Variants in PHACTR1 observed in about 807,000 individuals in gnomAD.
The protein encoded by PHACTR1 is phosphatase and actin regulator 1, also known as RPEL repeat containing 1.
Under a neutral mutation model 69.2 loss-of-function variants are expected in PHACTR1, and 16 were observed. The ratio of observed to expected loss-of-function variants is 0.23; its 90% CI spans 0.16 to 0.35. PHACTR1 has a LOEUF of 0.35. PHACTR1 is among the 10% of genes least tolerant of loss of function. PHACTR1 has a pLI of 1.00. For synonymous variants in PHACTR1, 312 were observed against 284.5 expected (o/e 1.10, Z -0.97); for missense variants, 510 against 734.7 (o/e 0.69, Z 3.54).
At chr6:12,978,621 T>A (rs1038106574) in intron 4 of PHACTR1, among the ~76,000 whole-genome samples, 14 of 152,362 alleles carry the variant, frequency 9.2e-5, no homozygotes, top group Admixed American at 9.1e-4. Flanking sequence ...ACGTTGTTGC[T>A]CTGATGAGCT....
At chr6:12,736,453 C>T (rs1267685743) in intron 3 of PHACTR1, among the ~76,000 whole-genome samples, 1 of 152,066 alleles carries the variant, frequency 6.6e-6, no homozygotes, top group East Asian at 1.9e-4. Flanking sequence ...AGAATCAATA[C>T]AAAAATTCAA....
intron 4 of PHACTR1, among the ~76,000 whole-genome samples, chr6:12,888,188 A>C (rs1441152295): frequency 6.6e-6 from 1 of 151,814 alleles, no homozygotes; most frequent in Non-Finnish European, 1.5e-5. Flanking sequence ...GGAAGGAAGC[A>C]GCTGAGGCCA....
intron 7 of PHACTR1, among the ~76,000 whole-genome samples, chr6:13,193,677 C>A (rs1474029694): frequency 1.3e-5 from 2 of 152,062 alleles, no homozygotes; most frequent in African/African-American, 2.4e-5. Context: ...CGAGATCTGC[C>A]ACATCCAGCT....
At chr6:12,776,850 T>G (rs1431017313) in intron 4 of PHACTR1, among the ~76,000 whole-genome samples, 1 of 152,226 alleles carries the variant, frequency 6.6e-6, no homozygotes, top group Admixed American at 6.5e-5. Flanking sequence ...GGAAGAGTCT[T>G]AAATTCTTTA....
At chr6:13,110,394 A>G (rs1268162073) in intron 5 of PHACTR1, among the ~76,000 whole-genome samples, 1 of 152,198 alleles carries the variant, frequency 6.6e-6, no homozygotes, top group African/African-American at 2.4e-5. Flanking sequence ...ACAATGCTGC[A>G]GGTGTTCACT....
intron 4 of PHACTR1, among the ~76,000 whole-genome samples, chr6:12,882,953 T>C (rs973461752): frequency 1.3e-5 from 2 of 152,180 alleles, no homozygotes; most frequent in Non-Finnish European, 2.9e-5. Flanking sequence ...CTCCAGCACC[T>C]TCCTGCAAAG....
intron 4 of PHACTR1, among the ~76,000 whole-genome samples, chr6:12,936,095 A>T (rs536739675): frequency 6.6e-6 from 1 of 151,930 alleles, no homozygotes; most frequent in Non-Finnish European, 1.5e-5. Flanking sequence ...AGATATATAC[A>T]TATTTGCAAC....
intron 4 of PHACTR1, among the ~76,000 whole-genome samples, chr6:13,012,972 T>A (rs1300931970): frequency 6.6e-6 from 1 of 152,206 alleles, no homozygotes; most frequent in Non-Finnish European, 1.5e-5. Context: ...GCCCGGGAGT[T>A]CGAGGCTGCA....
In PHACTR1 at chr6:13,246,096, CG is replaced by C. The variant is rs150577579; in HGVS notation, c.1391+15905del. Among the ~76,000 whole-genome samples, 2,742 of 152,154 alleles carry C rather than the reference CG, an allele frequency of 0.018. 86 individuals are homozygous for C. Among genetic ancestry groups the C allele is most frequent in the African/African-American group, 0.062 (2,578 of 41,488 alleles). ...TTAAAATAAAGTCCTCTGACCCAGT[CG>C]GTGCTTAAAATTAATATCTCTCAAA... On this transcript the variant is annotated intron_variant, in intron 10 of 14. Coordinates refer to ENST00000332995, the MANE Select transcript of PHACTR1 (RefSeq NM_030948.6). This position sits in a 1 kb window ranked among gnomAD's most constrained non-coding sequence, Gnocchi z 4.2.
intron 4 of PHACTR1, among the ~76,000 whole-genome samples, chr6:12,766,014 A>G (rs953894088): frequency 1.3e-5 from 2 of 152,208 alleles, no homozygotes; most frequent in African/African-American, 4.8e-5. Context: ...GCCTGACCAT[A>G]GTGTGTTTCT....
At chr6:13,023,956 A>G (rs1801340132) in intron 4 of PHACTR1, among the ~76,000 whole-genome samples, 1 of 152,126 alleles carries the variant, frequency 6.6e-6, no homozygotes, top group Admixed American at 6.5e-5. Flanking sequence ...ACTTGCCTAT[A>G]ATTCCAGCTA....
intron 3 of PHACTR1, among the ~76,000 whole-genome samples, chr6:12,731,869 C>T (rs1763570669): frequency 6.6e-6 from 1 of 152,106 alleles, no homozygotes; most frequent in African/African-American, 2.4e-5. Context: ...TCACATGTCG[C>T]CACACATTCA....
At chr6:12,917,985 C>T (rs1787204220) in intron 4 of PHACTR1, among the ~76,000 whole-genome samples, 1 of 152,168 alleles carries the variant, frequency 6.6e-6, no homozygotes, top group African/African-American at 2.4e-5. Context: ...TGCTATCCTG[C>T]CTTCTATGAT....
chr6:13,013,363 C>A (rs528687883), intron 4 of PHACTR1, among the ~76,000 whole-genome samples: 1 of 152,328 alleles, frequency 6.6e-6, no homozygotes, highest in South Asian at 2.1e-4. Flanking sequence ...ACGGGTTGGA[C>A]CCGCCGGAGA....
intron 5 of PHACTR1, among the ~76,000 whole-genome samples, chr6:13,056,349 G>A (rs574541661): frequency 6.6e-6 from 1 of 152,264 alleles, no homozygotes; most frequent in South Asian, 2.1e-4. Context: ...TCAGTGAGCT[G>A]TGATCGTGCC....
At chr6:13,150,782 A>G (rs2113446616) in intron 5 of PHACTR1, among the ~76,000 whole-genome samples, 1 of 152,262 alleles carries the variant, frequency 6.6e-6, no homozygotes. Context: ...TCTTTTATAT[A>G]TTGTTTATAT....
At chr6:13,161,060 G>C (rs986267236) in intron 6 of PHACTR1, among the ~76,000 whole-genome samples, 4 of 151,982 alleles carry the variant, frequency 2.6e-5, no homozygotes, top group Admixed American at 1.3e-4. Flanking sequence ...GCTCACTGCA[G>C]CCTTGACCTC....
chr6:12,792,569 T>A (rs1561887059), intron 4 of PHACTR1, among the ~76,000 whole-genome samples: 1 of 150,632 alleles, frequency 6.6e-6, no homozygotes, highest in Non-Finnish European at 1.5e-5. Context: ...AATGCAGTGC[T>A]ATAGACCTCA....
At chr6:13,149,488 T>G (rs1361257684) in intron 5 of PHACTR1, among the ~76,000 whole-genome samples, 2 of 152,192 alleles carry the variant, frequency 1.3e-5, no homozygotes, top group African/African-American at 2.4e-5. Context: ...TTGCAAACCA[T>G]AGTAAATAAA....
Sources: gnomAD v4.1 joint callset for allele counts (sites outside exome capture counted in the v4.1 genomes callset) on GRCh38, gnomAD v4.1.1 for gene constraint, Gnocchi (gnomAD v3.1) non-coding constraint, MANE v1.5 for transcripts, NCBI Gene and HGNC (gene_info 2026-07-23, HGNC 2026-07-21) for gene names.